The following CFAP46 variants were observed in gnomAD, a reference collection of about 807,000 sequenced individuals.
CFAP46 encodes the protein cilia and flagella associated protein 46.
A neutral mutation model predicts 325.7 loss-of-function variants in CFAP46; 245 were observed. That is an observed-to-expected ratio of 0.75 (90% confidence interval 0.68 to 0.84). CFAP46 has a LOEUF of 0.84. CFAP46 is among the 40% of genes least tolerant of loss of function. The pLI is 0.00. For synonymous variants in CFAP46, 1,523 were observed against 1,495.9 expected (o/e 1.02, Z -0.42); for missense variants, 3,346 against 3,543.0 (o/e 0.94, Z 1.41).
At chr10:132,885,393 A>G (rs1021319479) in intron 26 of CFAP46, 107 bp from the exon 27 acceptor site, 68 of 1,208,368 alleles carry the variant, frequency 5.6e-5, no homozygotes, top group Non-Finnish European at 7.6e-5. Flanking sequence ...TAAAAAGACG[A>G]AGCAAAGCAG....
At chr10:132,874,027 A>G (rs1441985149) in intron 31 of CFAP46, among the ~76,000 whole-genome samples, 2 of 152,252 alleles carry the variant, frequency 1.3e-5, no homozygotes, top group Non-Finnish European at 2.9e-5. Context: ...CTCTGGGCTC[A>G]GATGGCTTTA....
At chr10:132,892,147 G>C (rs1849262427) in intron 25 of CFAP46, among the ~76,000 whole-genome samples, 186 bp downstream of exon 25, 1 of 152,194 alleles carries the variant, frequency 6.6e-6, no homozygotes, top group Non-Finnish European at 1.5e-5. Context: ...AATTTCATGG[G>C]CTCATTCCTG....
intron 23 of CFAP46, 123 bp from the exon 24 acceptor site, chr10:132,899,244 G>C: frequency 2.6e-6 from 3 of 1,149,286 alleles, no homozygotes; most frequent in Non-Finnish European, 3.6e-6. Flanking sequence ...TCCTGGGCAT[G>C]TGGCTTGCTC....
chr10:132,821,756 G>C lies in CFAP46; in HGVS notation c.7118-6842C>G, dbSNP rs868229712. 1.1e-3 allele frequency among the ~76,000 whole-genome samples: 152 copies of C among 133,168 alleles called. No homozygotes were observed. In the South Asian group the frequency reaches 0.038, roughly 33 times the overall value. 87.4% of individuals were successfully genotyped at this position (133,168 alleles called of 152,430 possible). A position where few individuals can be genotyped will look rare whatever the true frequency, so the allele number is the denominator to read the frequency against. On this transcript the variant is annotated intron_variant, in intron 50 of 57. Coordinates refer to ENST00000368586, the MANE Select transcript of CFAP46 (RefSeq NM_001200049.3). ...TGCTGTGTGTGCGCTGATGTGTGCT[G>C]TGTGTGTGCTGTGTGCTGTGTGAGT... is the stretch of plus-strand genomic sequence containing the variant.
intron 22 of CFAP46, among the ~76,000 whole-genome samples, chr10:132,900,534 C>A (rs2135484577): frequency 6.6e-6 from 1 of 152,398 alleles, no homozygotes; most frequent in South Asian, 2.1e-4. Flanking sequence ...AGCCAGGAAT[C>A]TGCTTGCAGG....
In CFAP46 at chr10:132,908,652, G is replaced by C; in HGVS notation, c.2758-18C>G. The C allele has an allele frequency of 6.6e-7, 1 of 1,521,828 alleles. No individual in the cohort carries two copies. The highest frequency in any genetic ancestry group is 1.4e-5 in the African/African-American group (1 of 72,512). The allele number at this position is 1,521,828 out of a possible 1,614,324, so 94.3% of individuals were successfully genotyped here. On this transcript the variant is annotated intron_variant, in intron 21 of 57. Coordinates refer to ENST00000368586, the MANE Select transcript of CFAP46 (RefSeq NM_001200049.3). ...TTCACCAACTTCCGGTGGGTGGCAA[G>C]AGAAGGGGCACCGTGTTAGCAACAA...
chr10:132,885,974 G>T lies in CFAP46; in HGVS notation c.3305-15C>A. The stretch of plus-strand genomic sequence containing the variant: ...GTCCTCAGCCCCTGGGAGGGAGAAG[G>T]AGGGGTGTCCTTGGAGCCGCCTGAT... On this transcript the variant is annotated splice_polypyrimidine_tract_variant and intron_variant, in intron 25 of 57. Transcript: ENST00000368586. 6.5e-7 allele frequency: 1 copy of T among 1,548,662 alleles called. No individual in the cohort carries two copies. Among genetic ancestry groups the T allele is most frequent in the Non-Finnish European group, 8.7e-7 (1 of 1,145,694 alleles).
chr10:132,863,450 G>A (rs932124025), intron 35 of CFAP46, among the ~76,000 whole-genome samples: 6 of 152,104 alleles, frequency 3.9e-5, no homozygotes, highest in African/African-American at 1.4e-4. Context: ...TCCCTTCCTT[G>A]GACAAGCTCC....
At position 132,860,414 on chromosome 10, in the gene CFAP46, T is replaced by C; in HGVS notation, c.5198+3A>G. On this transcript the variant is annotated splice_donor_region_variant and intron_variant, in intron 37 of 57. Transcript: ENST00000368586. Reference sequence around the variant, plus strand: ...ATGAACAGTGTTTCTTACAAAGAGTTACCTGGCTTCTAGATCTGTGATCAT... The same window carrying C: ...ATGAACAGTGTTTCTTACAAAGAGTCACCTGGCTTCTAGATCTGTGATCAT... The C allele has an allele frequency of 1.9e-6, 3 of 1,545,554 alleles. No individual in the cohort carries two copies. The Middle Eastern group carries it at 5.0e-4, about 258-fold the overall frequency.
At chr10:132,839,443 C>T (rs1178435421) in intron 44 of CFAP46, among the ~76,000 whole-genome samples, 4 of 152,250 alleles carry the variant, frequency 2.6e-5, no homozygotes, top group African/African-American at 4.8e-5. Context: ...CTTCATGGCA[C>T]GGAGCCTCTC....
At chr10:132,882,050 G>T (rs111320804) in intron 27 of CFAP46, among the ~76,000 whole-genome samples, 119 of 135,104 alleles carry the variant, frequency 8.8e-4, no homozygotes, top group South Asian at 5.0e-3. Flanking sequence ...GGATGTGGGG[G>T]GTGTGTGGTG....
In CFAP46 at chr10:132,847,815, G is replaced by A. The variant is rs182839373; in HGVS notation, c.5953-494C>T. On this transcript the variant is annotated intron_variant, in intron 41 of 57. Transcript: ENST00000368586. The surrounding 1 kb of genome is among the most constrained non-coding windows in gnomAD (Gnocchi z 5.2). ...TTGAGAGGGAGCCCCCTGGGTTTTC[G>A]GGACACAAGGTATCGCAGCACCAAA... Among the ~76,000 whole-genome samples, 228 of 152,256 alleles carry A rather than the reference G, an allele frequency of 1.5e-3. 1 individual carries two copies. The highest frequency in any genetic ancestry group is 0.011 in the South Asian group (51 of 4,822).
chr10:132,835,728 G>A (rs1296305634), intron 46 of CFAP46, among the ~76,000 whole-genome samples: 2 of 152,084 alleles, frequency 1.3e-5, no homozygotes, highest in African/African-American at 4.8e-5. Context: ...TGGAGGGCTG[G>A]GAGAGGCCAC....
chr10:132,822,784 GTGTGTGCTGTGTGTGTGC>G (rs1847900625), intron 50 of CFAP46, among the ~76,000 whole-genome samples: 1 of 99,766 alleles, frequency 1.0e-5, no homozygotes, highest in Non-Finnish European at 2.0e-5. Context: ...GTGTGCACTT[GTGTGTGCTGTGTGTGTGC>G]TGATGTGTGC....
At chr10:132,848,336 A>G (rs1004276066) in intron 41 of CFAP46, among the ~76,000 whole-genome samples, 1 of 152,246 alleles carries the variant, frequency 6.6e-6, no homozygotes, top group Admixed American at 6.5e-5. Context: ...GCCGACAGCC[A>G]AGGCTGGTCT....
Position 132,812,849 on chromosome 10 carries a change from G to A in CFAP46, c.7437C>T (p.Phe2479=). ...GGGACAGGAAGCTCTCCATTCCATA[G>A]AAGAAGAAACCGCTGCAGCTGCCCA... is the stretch of plus-strand genomic sequence containing the variant. ...QALGSCSGFF[F]YGMESFLSHI... is the part of the protein sequence containing the mutation. Residue 2479 remains phenylalanine, a synonymous_variant, in exon 55 of 58, where the codon TTC becomes TTT. Transcript: ENST00000368586. 1.2e-6 allele frequency: 2 copies of A among 1,611,700 alleles called. No individual in the cohort carries two copies. Among genetic ancestry groups the A allele is most frequent in the African/African-American group, 1.3e-5 (1 of 75,012 alleles).
intron 17 of CFAP46, among the ~76,000 whole-genome samples, chr10:132,913,818 C>A (rs1222353358): frequency 2.8e-5 from 1 of 35,942 alleles, no homozygotes; most frequent in African/African-American, 3.7e-4. Context: ...GGCAGAGCGT[C>A]TCTGCCCCAC....
At chr10:132,824,702 A>G (rs1222750877) in intron 50 of CFAP46, among the ~76,000 whole-genome samples, 8 of 33,652 alleles carry the variant, frequency 2.4e-4, no homozygotes, top group African/African-American at 1.1e-3. Flanking sequence ...GTGTGCGCTG[A>G]TGTGTGCTGT....
At chr10:132,910,132 C>G (rs1849519329) in intron 19 of CFAP46, 64 bp from the exon 20 acceptor site, 2 of 1,315,654 alleles carry the variant, frequency 1.5e-6, no homozygotes, top group African/African-American at 1.5e-5. Flanking sequence ...GAGCCAAGAT[C>G]CGAACCATTA....
Sources: allele counts gnomAD v4.1 joint callset (sites outside exome capture counted in the v4.1 genomes callset), GRCh38; gene constraint gnomAD v4.1.1; non-coding constraint Gnocchi (gnomAD v3.1); transcripts MANE v1.5; gene names NCBI Gene and HGNC (gene_info 2026-07-23, HGNC 2026-07-21).